Variants in OLFM2 observed in about 807,000 individuals in gnomAD.
The protein encoded by OLFM2 is olfactomedin 2, also known as noelin-2.
OLFM2 carries 20 observed loss-of-function variants against 43.9 expected under a neutral mutation model. That is an observed-to-expected ratio of 0.46 (90% confidence interval 0.32 to 0.66). The LOEUF is 0.66. OLFM2 is among the 30% of genes least tolerant of loss of function. The pLI, the probability that OLFM2 is intolerant of heterozygous loss-of-function variation, is 0.04. For synonymous variants in OLFM2, 268 were observed against 278.6 expected, an observed-to-expected ratio of 0.96 and a Z score of 0.38; for missense variants, 416 against 643.6, an observed-to-expected ratio of 0.65 and a Z score of 3.83.
At chr19:9,932,921 T>C (rs918804050) in intron 1 of OLFM2, among the ~76,000 whole-genome samples, 2 of 152,118 alleles carry the variant, frequency 1.3e-5, no homozygotes, top group African/African-American at 2.4e-5. Context: ...AGGCCCTGCT[T>C]TCCTGTTCTC....
At chr19:9,921,071 T>C (rs1379355915) in intron 1 of OLFM2, among the ~76,000 whole-genome samples, 1 of 152,142 alleles carries the variant, frequency 6.6e-6, no homozygotes, top group Non-Finnish European at 1.5e-5. Flanking sequence ...AGAATACCTA[T>C]ATGCAACAGA....
At chr19:9,859,474 G>A (rs370581375) in intron 2 of OLFM2, among the ~76,000 whole-genome samples, 1 of 152,076 alleles carries the variant, frequency 6.6e-6, no homozygotes, top group African/African-American at 2.4e-5. Context: ...ACACCACCAC[G>A]CCCGGCTAAT....
chr19:9,890,295 T>C (rs1241928197), intron 1 of OLFM2, among the ~76,000 whole-genome samples: 1 of 152,144 alleles, frequency 6.6e-6, no homozygotes, highest in African/African-American at 2.4e-5. Context: ...CAGAAACTCA[T>C]TACCCCTGGG....
chr19:9,871,455 C>T (rs1291615275), intron 1 of OLFM2, among the ~76,000 whole-genome samples: 1 of 151,670 alleles, frequency 6.6e-6, no homozygotes, highest in Non-Finnish European at 1.5e-5. Context: ...CTACTATGAT[C>T]CCAGCTACTC....
At chr19:9,869,095 C>T (rs934363509) in intron 1 of OLFM2, among the ~76,000 whole-genome samples, 3 of 151,348 alleles carry the variant, frequency 2.0e-5, no homozygotes, top group East Asian at 1.9e-4. Context: ...AGCATATGGC[C>T]GGGCCATAAG....
chr19:9,883,400 C>T (rs1410157883), intron 1 of OLFM2, among the ~76,000 whole-genome samples: 4 of 152,058 alleles, frequency 2.6e-5, no homozygotes, highest in South Asian at 2.1e-4. Context: ...GAGGCAGGCA[C>T]GTCCTCTGCT....
At chr19:9,912,774 C>G (rs1052457972) in intron 1 of OLFM2, among the ~76,000 whole-genome samples, 4 of 151,840 alleles carry the variant, frequency 2.6e-5, no homozygotes, top group Non-Finnish European at 5.9e-5. Context: ...GTCTGCGCCC[C>G]GTCTACCTCC....
chr19:9,874,770 C>T (rs999956663), intron 1 of OLFM2, among the ~76,000 whole-genome samples: 1 of 151,962 alleles, frequency 6.6e-6, no homozygotes, highest in Non-Finnish European at 1.5e-5. Context: ...CATGAGCCAC[C>T]GCACCCAGTC....
chr19:9,875,311 A>C (rs991686418), intron 1 of OLFM2, among the ~76,000 whole-genome samples: 1 of 152,070 alleles, frequency 6.6e-6, no homozygotes, highest in African/African-American at 2.4e-5. Flanking sequence ...CTGTCACTTG[A>C]TTTATCTGCT....
At chr19:9,910,255 A>G (rs1183928013) in intron 1 of OLFM2, among the ~76,000 whole-genome samples, 1 of 152,280 alleles carries the variant, frequency 6.6e-6, no homozygotes, top group East Asian at 1.9e-4. Context: ...GCTTAGAGAA[A>G]TTAAATAATT....
chr19:9,868,020 T>C (rs1470378008), intron 1 of OLFM2, among the ~76,000 whole-genome samples: 4 of 151,894 alleles, frequency 2.6e-5, no homozygotes, highest in African/African-American at 9.7e-5. Flanking sequence ...CTCCCACCTC[T>C]GTCTCCTGAG....
intron 1 of OLFM2, among the ~76,000 whole-genome samples, chr19:9,909,257 C>A (rs2046808813): frequency 6.6e-6 from 1 of 152,166 alleles, no homozygotes; most frequent in African/African-American, 2.4e-5. Context: ...GCCCCCCAGG[C>A]AGAGGCGACG....
At chr19:9,917,770 C>G (rs912375167) in intron 1 of OLFM2, among the ~76,000 whole-genome samples, 11 of 152,164 alleles carry the variant, frequency 7.2e-5, no homozygotes, top group African/African-American at 2.7e-4. Context: ...GTTTCCCTAA[C>G]AAGACCCTCA....
intron 1 of OLFM2, among the ~76,000 whole-genome samples, chr19:9,896,865 T>C (rs1212309045): frequency 2.0e-5 from 3 of 152,192 alleles, no homozygotes; most frequent in Admixed American, 2.0e-4. Flanking sequence ...TGGTTGAATA[T>C]AATTTCTCCC....
intron 1 of OLFM2, among the ~76,000 whole-genome samples, chr19:9,894,118 C>T (rs1271933553): frequency 6.6e-6 from 1 of 151,966 alleles, no homozygotes; most frequent in Non-Finnish European, 1.5e-5. Context: ...CATGGTGAAA[C>T]CCCATATCTA....
At chr19:9,927,825 G>C (rs1260526926) in intron 1 of OLFM2, among the ~76,000 whole-genome samples, 1 of 152,170 alleles carries the variant, frequency 6.6e-6, no homozygotes, top group Non-Finnish European at 1.5e-5. Context: ...CAGCACCTTG[G>C]GAGGCTGAGG....
chr19:9,873,256 C>T (rs917893520), intron 1 of OLFM2, among the ~76,000 whole-genome samples: 1 of 152,148 alleles, frequency 6.6e-6, no homozygotes, highest in African/African-American at 2.4e-5. Flanking sequence ...CAGGCTCAAG[C>T]CATCCTCTCA....
intron 1 of OLFM2, among the ~76,000 whole-genome samples, chr19:9,897,691 G>A (rs887625764): frequency 2.0e-5 from 3 of 152,174 alleles, no homozygotes; most frequent in South Asian, 2.1e-4. Flanking sequence ...TGAGATGCCA[G>A]GTGGGGAATA....
chr19:9,913,692 T>A, intron 1 of OLFM2: 2 of 1,066,788 alleles, frequency 1.9e-6, no homozygotes, highest in African/African-American at 1.7e-5. Flanking sequence ...GCTCGGTCCC[T>A]CGACACCCAG....
Sources: allele counts gnomAD v4.1 joint callset (sites outside exome capture counted in the v4.1 genomes callset), GRCh38; gene constraint gnomAD v4.1.1; transcripts MANE v1.5; gene names NCBI Gene and HGNC (gene_info 2026-07-23, HGNC 2026-07-21).